EPAS1: variants seen among roughly 807,000 people sequenced by gnomAD.
EPAS1 encodes endothelial PAS domain-containing protein 1.
Under a neutral mutation model 87.9 loss-of-function variants are expected in EPAS1, and 23 were observed. That is an observed-to-expected ratio of 0.26 (90% CI 0.19 to 0.37). The LOEUF (loss-of-function observed/expected upper bound fraction) is 0.37. Among genes scored for constraint, EPAS1 ranks in the 10% least tolerant of loss-of-function variants. EPAS1 has a pLI of 1.00. For synonymous variants in EPAS1, 508 were observed against 444.3 expected (o/e 1.14, Z -1.80); for missense variants, 1,138 against 1,120.7 (o/e 1.02, Z -0.22).
intron 1 of EPAS1, among the ~76,000 whole-genome samples, chr2:46,340,619 G>T (rs975904557): frequency 6.6e-6 from 1 of 152,224 alleles, no homozygotes; most frequent in African/African-American, 2.4e-5. Context: ...CAGGAGAGGT[G>T]TGTGTATTAA....
At position 46,306,269 on chromosome 2, in the gene EPAS1, TG is replaced by T. The variant is rs528525672; in HGVS notation, c.26+8333del. 3.2e-4 allele frequency among the ~76,000 whole-genome samples: 49 copies of T among 152,306 alleles called. 2 individuals are homozygous for T. The East Asian group carries it at 9.3e-3, about 29-fold the overall frequency. On this transcript the variant is annotated intron_variant, in intron 1 of 15. Coordinates refer to ENST00000263734, the MANE Select transcript of EPAS1 (RefSeq NM_001430.5). Reference sequence around the variant, plus strand: ...AAAACTTTGCATACTGTCACTACTTTGTATAAGTTTTTTCCTGACTGCCTCT... The same window carrying T: ...AAAACTTTGCATACTGTCACTACTTTTATAAGTTTTTTCCTGACTGCCTCT...
chr2:46,367,875 A>C (rs1339155564), intron 6 of EPAS1, among the ~76,000 whole-genome samples: 1 of 152,254 alleles, frequency 6.6e-6, no homozygotes, highest in Non-Finnish European at 1.5e-5. Flanking sequence ...GAAAGGATGG[A>C]TAGACTATCA....
chr2:46,378,678 T>C lies in EPAS1; in HGVS notation c.1465T>C (p.Tyr489His). The C allele has an allele frequency of 6.2e-7, 1 of 1,614,182 alleles. No individual in the cohort carries two copies. ...CTAGCCCAATAGCCCTGAAGACTAT[T>C]ACACATCTTTGGATAACGACCTGAA... ...CSTPNSPEDY[Y>H]TSLDNDLKIE... is the part of the protein sequence containing the mutation. Residue 489 changes from tyrosine to histidine, a missense_variant, in exon 11 of 16, where the codon TAC becomes CAC. By Grantham distance (83) the Tyr-to-His change is moderately conservative. Around this residue, in one of 4 missense-constraint regions of EPAS1, gnomAD observed 284 missense variants for 258.4 expected, o/e 1.10. Coordinates refer to ENST00000263734, the MANE Select transcript of EPAS1 (RefSeq NM_001430.5).
Position 46,311,618 on chromosome 2 carries a change from A to G in EPAS1, c.26+13681A>G, listed in dbSNP as rs75343140. On this transcript the variant is annotated intron_variant, in intron 1 of 15. Transcript: ENST00000263734. ...TCCTACCAAGCTAACCTGTGACTAG[A>G]TATCTGTTAGGGTGTGAAACCTGTG... Among the ~76,000 whole-genome samples, 1,324 of 152,342 alleles carry G rather than the reference A, an allele frequency of 8.7e-3. 7 individuals carry two copies. Among genetic ancestry groups the G allele is most frequent in the Non-Finnish European group, 0.012 (784 of 68,030 alleles).
chr2:46,368,145 C>G (rs1233409322), intron 6 of EPAS1, among the ~76,000 whole-genome samples: 1 of 152,068 alleles, frequency 6.6e-6, no homozygotes, highest in Non-Finnish European at 1.5e-5. Flanking sequence ...GGTTGACAGC[C>G]TAGGATGTGA....
chr2:46,303,287 C>T (rs1485053856), intron 1 of EPAS1, among the ~76,000 whole-genome samples: 2 of 152,114 alleles, frequency 1.3e-5, no homozygotes, highest in African/African-American at 4.8e-5. Context: ...CGGAACCACA[C>T]AGAGTAGGTG....
In EPAS1 at chr2:46,347,578, C is replaced by G. The variant is rs947553219; in HGVS notation, c.217+515C>G. ...GTATAAAATGGGGTTAAACATACTT[C>G]TTGCCCAGGGTGTCGGTGAGAATGG... On this transcript the variant is annotated intron_variant, in intron 2 of 15. Transcript: ENST00000263734. This position sits in a 1 kb window ranked among gnomAD's most constrained non-coding sequence, Gnocchi z 4.2. 3.5e-5 allele frequency: 7 copies of G among 199,862 alleles called. No individual in the cohort carries two copies. Among genetic ancestry groups the G allele is most frequent in the Non-Finnish European group, 6.3e-5 (6 of 95,760 alleles). The allele number at this position is 199,862 out of a possible 1,614,324, so 12.4% of individuals were successfully genotyped here.
chr2:46,363,112 C>A, intron 6 of EPAS1, among the ~76,000 whole-genome samples: 1 of 152,126 alleles, frequency 6.6e-6, no homozygotes, highest in East Asian at 1.9e-4. Flanking sequence ...CAGATGCAGT[C>A]TTTGTATTCA....
chr2:46,340,980 A>G (rs1022090859), intron 1 of EPAS1, among the ~76,000 whole-genome samples: 3 of 152,172 alleles, frequency 2.0e-5, no homozygotes, highest in Non-Finnish European at 4.4e-5. Flanking sequence ...TCAGTCTCCC[A>G]AAGTGCTGTG....
At position 46,380,490 on chromosome 2, in the gene EPAS1, C is replaced by T. The variant is rs1443377675; in HGVS notation, c.1818C>T (p.Ser606=). Residue 606 remains serine (S), a synonymous_variant, in exon 12 of 16, where the codon TCC becomes TCT. Transcript: ENST00000263734. This position sits in a 1 kb window ranked among gnomAD's most constrained non-coding sequence, Gnocchi z 4.4. ...KTEPEHRPMS[S]IFFDAGSKAS... ...AGCCCGAGCACCGGCCCATGTCCTCCATCTTCTTTGATGCCGGAAGCAAAG... is the reference window on the plus strand; with the variant it reads ...AGCCCGAGCACCGGCCCATGTCCTCTATCTTCTTTGATGCCGGAAGCAAAG... 1 of 1,614,056 alleles carries T rather than the reference C, an allele frequency of 6.2e-7. No individual in the cohort carries two copies. Among genetic ancestry groups the T allele is most frequent in the African/African-American group, 1.3e-5 (1 of 74,914 alleles).
chr2:46,374,025 C>G (rs1294036335), intron 7 of EPAS1, among the ~76,000 whole-genome samples: 3 of 152,228 alleles, frequency 2.0e-5, no homozygotes, highest in Non-Finnish European at 4.4e-5. Flanking sequence ...AGGCACTGTG[C>G]TGAATGCTTT....
intron 1 of EPAS1, among the ~76,000 whole-genome samples, chr2:46,311,340 C>A (rs760054705): frequency 1.1e-4 from 17 of 152,158 alleles, no homozygotes; most frequent in Non-Finnish European, 4.4e-5. Context: ...GCCTCAGGCC[C>A]GAGAGCAGGG....
intron 1 of EPAS1, among the ~76,000 whole-genome samples, chr2:46,320,862 C>G (rs867750440): frequency 2.0e-5 from 3 of 151,982 alleles, no homozygotes; most frequent in Non-Finnish European, 4.4e-5. Context: ...GTGGTTAAAT[C>G]GTTTTTTATT....
At chr2:46,298,071 T>A in intron 1 of EPAS1, 134 bp downstream of exon 1, 1 of 1,126,780 alleles carries the variant, frequency 8.9e-7, no homozygotes, top group East Asian at 2.6e-5. Flanking sequence ...TTTGGAGGGC[T>A]GTGAGGGGGA....
At chr2:46,381,115 G>T in intron 12 of EPAS1, 1 of 348,262 alleles carries the variant, frequency 2.9e-6, no homozygotes, top group Non-Finnish European at 5.5e-6. Flanking sequence ...CCGGGTCCTC[G>T]CCACTGCAGC....
chr2:46,378,561 C>T, intron 10 of EPAS1, 96 bp from the exon 11 acceptor site: 1 of 1,023,708 alleles, frequency 9.8e-7, no homozygotes, highest in Non-Finnish European at 1.5e-6. Context: ...GGAATTGAAC[C>T]TTTGGGTCCA....
intron 7 of EPAS1, among the ~76,000 whole-genome samples, chr2:46,370,361 CA>C (rs1318149643): frequency 6.6e-6 from 1 of 152,140 alleles, no homozygotes. Context: ...AAGAGGAGGG[CA>C]GGGGGAGTTG....
At position 46,360,006 on chromosome 2, in the gene EPAS1, G is replaced by A. The variant is rs1572637861; in HGVS notation, c.455-632G>A. On this transcript the variant is annotated intron_variant, in intron 4 of 15. Coordinates refer to ENST00000263734, the MANE Select transcript of EPAS1 (RefSeq NM_001430.5). This position sits in a 1 kb window ranked among gnomAD's most constrained non-coding sequence, Gnocchi z 4.5. ...TTGAGTTAATCCATAAAGTGGACTT[G>A]CTCACCAAGTCCACTGTAAGGAGAT... 6.6e-6 allele frequency among the ~76,000 whole-genome samples: 1 copy of A among 152,184 alleles called. No homozygotes were observed. Among genetic ancestry groups the A allele is most frequent in the Admixed American group, 6.5e-5 (1 of 15,274 alleles).
Position 46,381,613 on chromosome 2 carries a change from G to T in EPAS1, c.2063G>T (p.Gly688Val). The T allele has an allele frequency of 6.2e-7, 1 of 1,613,992 alleles. No individual in the cohort carries two copies. The highest frequency in any genetic ancestry group is 8.5e-7 in the Non-Finnish European group (1 of 1,180,026). ...TFKTRSAKGFGARGPDVLSPA... is the reference protein window; with the variant it reads ...TFKTRSAKGFVARGPDVLSPA... ...CTTGGCAGGTCTGCAAAGGGTTTTGGGGCTCGAGGCCCAGACGTGCTGAGT... is the reference window on the plus strand; with the variant it reads ...CTTGGCAGGTCTGCAAAGGGTTTTGTGGCTCGAGGCCCAGACGTGCTGAGT... Residue 688 changes from glycine to valine, a missense_variant, in exon 13 of 16, where the codon GGG (glycine) becomes GTG (valine). By Grantham distance (109) the Gly-to-Val change is moderately radical. Coordinates refer to ENST00000263734, the MANE Select transcript of EPAS1 (RefSeq NM_001430.5).
Sources: gnomAD v4.1 joint callset for allele counts (sites outside exome capture counted in the v4.1 genomes callset) on GRCh38, gnomAD v4.1.1 for gene constraint, gnomAD v4.1.1 regional missense constraint, Gnocchi (gnomAD v3.1) non-coding constraint, MANE v1.5 for transcripts, NCBI Gene and HGNC (gene_info 2026-07-23, HGNC 2026-07-21) for gene names.